The following SSBP3 variants were observed in gnomAD, a reference collection of about 807,000 sequenced individuals.
The protein encoded by SSBP3 is single stranded DNA binding protein 3, also known as single-stranded DNA-binding protein 3.
Under a neutral mutation model 69.6 loss-of-function variants are expected in SSBP3, and 5 were observed. The observed-to-expected ratio is 0.07, with a 90% CI of 0.04 to 0.15. The LOEUF (loss-of-function observed/expected upper bound fraction) is 0.15, where lower values mean the gene tolerates loss of function less well. Among genes scored for constraint, SSBP3 ranks in the 10% least tolerant of loss-of-function variants. The probability of loss-of-function intolerance (pLI) is 1.00; values close to 1 mark genes in which losing one functional copy is unlikely to be tolerated. For synonymous variants in SSBP3, 196 were observed against 193.4 expected, an observed-to-expected ratio of 1.01 and a Z score of -0.11; for missense variants, 312 against 534.0, an observed-to-expected ratio of 0.58 and a Z score of 4.10.
chr1:54,258,610 G>A lies in SSBP3; in HGVS notation c.367-461C>T, dbSNP rs542821102. 1.3e-5 allele frequency among the ~76,000 whole-genome samples: 2 copies of A among 152,168 alleles called. No individual in the cohort carries two copies. Among genetic ancestry groups the A allele is most frequent in the Non-Finnish European group, 2.9e-5 (2 of 68,022 alleles). On this transcript the variant is annotated intron_variant, in intron 5 of 17. Transcript: ENST00000610401. This position sits in a 1 kb window ranked among gnomAD's most constrained non-coding sequence, Gnocchi z 4.5. ...CTGCCCTCAAGGAGCTCACAGTCTG[G>A]GGGACAGTGACACGGCTATGGGTGA...
intron 5 of SSBP3, among the ~76,000 whole-genome samples, chr1:54,265,071 T>G (rs1453089989): frequency 6.6e-6 from 1 of 152,042 alleles, no homozygotes; most frequent in African/African-American, 2.4e-5. Context: ...CGACAGAAAA[T>G]GGCGTAAGCT....
At chr1:54,247,108 G>C (rs900709493) in intron 9 of SSBP3, among the ~76,000 whole-genome samples, 8 of 152,232 alleles carry the variant, frequency 5.3e-5, no homozygotes, top group Non-Finnish European at 1.2e-4. Context: ...CACTCCGCCA[G>C]GTCCACAGTG....
chr1:54,313,217 G>A (rs1646035894), intron 4 of SSBP3, among the ~76,000 whole-genome samples: 1 of 151,988 alleles, frequency 6.6e-6, no homozygotes, highest in East Asian at 1.9e-4. Context: ...GGACCAATCG[G>A]GGTAATCAAT....
At chr1:54,241,761 T>C (rs144910231) in intron 11 of SSBP3, among the ~76,000 whole-genome samples, 193 of 152,294 alleles carry the variant, frequency 1.3e-3, no homozygotes, top group African/African-American at 4.4e-3. Flanking sequence ...AGGGAGGACA[T>C]AGAAGGCCCT....
At chr1:54,361,417 G>A (rs1646949865) in intron 4 of SSBP3, among the ~76,000 whole-genome samples, 1 of 152,228 alleles carries the variant, frequency 6.6e-6, no homozygotes, top group Non-Finnish European at 1.5e-5. Context: ...ATGGGGAAAC[G>A]TGGAAAACCG....
At chr1:54,350,942 A>G (rs980846157) in intron 4 of SSBP3, among the ~76,000 whole-genome samples, 2 of 151,988 alleles carry the variant, frequency 1.3e-5, no homozygotes, top group Non-Finnish European at 2.9e-5. Flanking sequence ...CTCCAACCTC[A>G]GCCTCCTGAG....
chr1:54,393,601 G>A (rs1002856528), intron 4 of SSBP3, among the ~76,000 whole-genome samples: 1 of 151,934 alleles, frequency 6.6e-6, no homozygotes, highest in Non-Finnish European at 1.5e-5. Flanking sequence ...ACCAGCCTAG[G>A]CAACAAAGCA....
chr1:54,308,662 G>A (rs1485285314), intron 4 of SSBP3, among the ~76,000 whole-genome samples: 1 of 151,648 alleles, frequency 6.6e-6, no homozygotes, highest in Non-Finnish European at 1.5e-5. Flanking sequence ...CTGTCACACA[G>A]GAGGCTGAGG....
At chr1:54,313,965 T>G (rs796442296) in intron 4 of SSBP3, among the ~76,000 whole-genome samples, 1 of 152,184 alleles carries the variant, frequency 6.6e-6, no homozygotes, top group East Asian at 1.9e-4. Flanking sequence ...GGTTTCACCA[T>G]GTTATCCAGG....
At chr1:54,269,455 T>G (rs72910054) in intron 5 of SSBP3, among the ~76,000 whole-genome samples, 71 of 152,332 alleles carry the variant, frequency 4.7e-4, no homozygotes, top group African/African-American at 1.7e-3. Flanking sequence ...GGAAAGCTGC[T>G]TCCCAAAACA....
intron 14 of SSBP3, among the ~76,000 whole-genome samples, chr1:54,236,262 T>C (rs1052121141): frequency 6.6e-6 from 1 of 152,134 alleles, no homozygotes; most frequent in African/African-American, 2.4e-5. Flanking sequence ...ACTACAGACA[T>C]GTACCACCAC....
At chr1:54,405,474 G>A (rs1016494616) in intron 1 of SSBP3, 26 of 158,664 alleles carry the variant, frequency 1.6e-4, no homozygotes, top group South Asian at 7.3e-4. Flanking sequence ...GGACAGGGAA[G>A]GGAGAGCGCT....
Position 54,227,186 on chromosome 1 carries a change from G to T in SSBP3, c.1138-26C>A, listed in dbSNP as rs781390606. On this transcript the variant is annotated intron_variant, in intron 17 of 17. Coordinates refer to ENST00000610401, the Ensembl canonical transcript of SSBP3. Reference sequence around the variant, plus strand: ...CTGGAAAGGAGAAGCAGAGAAGGGGGGGGGGTGAGGATTGTGGGGAGGCCG... The same window carrying T: ...CTGGAAAGGAGAAGCAGAGAAGGGGTGGGGGTGAGGATTGTGGGGAGGCCG... 23 of 1,143,798 alleles carry T rather than the reference G, an allele frequency of 2.0e-5. 3 individuals carry two copies. Among genetic ancestry groups the T allele is most frequent in the Non-Finnish European group, 2.7e-5 (21 of 777,110 alleles). The allele number at this position is 1,143,798 out of a possible 1,614,324, so 70.9% of individuals were successfully genotyped here. A position where few individuals can be genotyped will look rare whatever the true frequency, so the allele number is the denominator to read the frequency against.
Position 54,322,967 on chromosome 1 carries a change from C to T in SSBP3, c.277-41440G>A, listed in dbSNP as rs189666846. 3.4e-4 allele frequency among the ~76,000 whole-genome samples: 52 copies of T among 152,314 alleles called. No homozygotes were observed. In the East Asian group the frequency reaches 8.5e-3, roughly 25 times the overall value. ...AGGACAAAACTGACAAATAATAACT[C>T]GTACTCCATGGGTTTCGTTCACTGA... On this transcript the variant is annotated intron_variant, in intron 4 of 17. Transcript: ENST00000610401.
chr1:54,228,196 G>T, intron 17 of SSBP3, 59 bp downstream of exon 17: 1 of 1,511,460 alleles, frequency 6.6e-7, no homozygotes, highest in Non-Finnish European at 9.2e-7. Context: ...CTCGCAACTT[G>T]TTAGGAAAGA....
chr1:54,240,103 T>G (rs1178999553), intron 13 of SSBP3, among the ~76,000 whole-genome samples: 1 of 22,158 alleles, frequency 4.5e-5, no homozygotes, highest in Admixed American at 9.0e-4. Context: ...CGCGCGCGTG[T>G]GCGTGCGCGC....
At chr1:54,325,537 C>G (rs995340253) in intron 4 of SSBP3, 1 of 166,768 alleles carries the variant, frequency 6.0e-6, no homozygotes, top group African/African-American at 2.4e-5. Context: ...AATCAGCCCT[C>G]CCAAGATGAA....
At chr1:54,350,124 A>G (rs1646758046) in intron 4 of SSBP3, among the ~76,000 whole-genome samples, 1 of 152,166 alleles carries the variant, frequency 6.6e-6, no homozygotes, top group African/African-American at 2.4e-5. Context: ...CCACGTGAAA[A>G]GGCATCTCAG....
chr1:54,404,955 A>C, intron 1 of SSBP3, 25 bp from the exon 2 acceptor site: 1 of 1,604,922 alleles, frequency 6.2e-7, no homozygotes, highest in East Asian at 2.2e-5. Flanking sequence ...GGGGGCAAAG[A>C]GAGAGAGGGA....
Sources: allele counts gnomAD v4.1 joint callset (sites outside exome capture counted in the v4.1 genomes callset), GRCh38; gene constraint gnomAD v4.1.1; non-coding constraint Gnocchi (gnomAD v3.1); transcripts MANE v1.5; gene names NCBI Gene and HGNC (gene_info 2026-07-23, HGNC 2026-07-21).